CFAP69: variants seen among roughly 807,000 people sequenced by gnomAD.
CFAP69 encodes cilia- and flagella-associated protein 69.
Under a neutral mutation model 123.0 loss-of-function variants are expected in CFAP69, and 92 were observed. The observed-to-expected ratio is 0.75, with a 90% CI of 0.63 to 0.89. The LOEUF (loss-of-function observed/expected upper bound fraction) is 0.89. Among genes scored for constraint, CFAP69 ranks in the 40% least tolerant of loss-of-function variants. The pLI, the probability that CFAP69 is intolerant of heterozygous loss-of-function variation, is 0.00. For missense variants in CFAP69, 1,067 were observed against 1,096.9 expected (o/e 0.97, Z 0.39); for synonymous variants, 380 against 364.3 (o/e 1.04, Z -0.49).
rs1456532468 is a variant in CFAP69 at position 90,311,002 on chromosome 7, A to G, written c.*764A>G. The G allele has an allele frequency of 6.6e-6, 1 of 152,218 alleles. No individual in the cohort carries two copies. The highest frequency in any genetic ancestry group is 1.5e-5 in the Non-Finnish European group (1 of 68,044). 9.4% of individuals were successfully genotyped at this position (152,218 alleles called of 1,614,324 possible). A position where few individuals can be genotyped will look rare whatever the true frequency, so the allele number is the denominator to read the frequency against. On this transcript the variant is annotated 3_prime_UTR_variant, in exon 23 of 23. Coordinates refer to ENST00000389297, the MANE Select transcript of CFAP69 (RefSeq NM_001039706.3). ...ATGTTAGTCATGAGCCAAATGGTAA[A>G]AAAGAAAAAAAAATGCAGCTGGTTT...
At chr7:90,283,551 G>A (rs1203639445) in intron 13 of CFAP69, among the ~76,000 whole-genome samples, 3 of 152,060 alleles carry the variant, frequency 2.0e-5, no homozygotes, top group Non-Finnish European at 4.4e-5. Context: ...TGGAAATTAT[G>A]TGTATCATAG....
chr7:90,289,902 T>C lies in CFAP69; in HGVS notation c.1775+1550T>C, dbSNP rs561273024. ...ACCCACTGCTTTGCAGTACCTTCTT[T>C]GTACAAATCAAATGTCCGTATATAT... On this transcript the variant is annotated intron_variant, in intron 15 of 22. Coordinates refer to ENST00000389297, the MANE Select transcript of CFAP69 (RefSeq NM_001039706.3). 3.3e-5 allele frequency among the ~76,000 whole-genome samples: 5 copies of C among 152,316 alleles called. No homozygotes were observed. The South Asian group carries it at 1.0e-3, about 32-fold the overall frequency.
At chr7:90,303,683 T>C in intron 17 of CFAP69, 1 of 996,242 alleles carries the variant, frequency 1.0e-6, no homozygotes, top group South Asian at 4.6e-5. Context: ...ATTTCAAAAT[T>C]TTTTAAATTA....
intron 1 of CFAP69, among the ~76,000 whole-genome samples, chr7:90,246,523 T>C (rs1394305701): frequency 2.0e-5 from 3 of 152,208 alleles, no homozygotes; most frequent in African/African-American, 7.2e-5. Flanking sequence ...CTCTCTGAGG[T>C]CTGACATTTA....
At chr7:90,257,356 T>G (rs2116672365) in intron 2 of CFAP69, among the ~76,000 whole-genome samples, 1 of 152,330 alleles carries the variant, frequency 6.6e-6, no homozygotes, top group East Asian at 1.9e-4. Context: ...TGTGATATTT[T>G]GTTACATGCA....
chr7:90,308,607 C>T (rs771370171), intron 21 of CFAP69, among the ~76,000 whole-genome samples: 8 of 152,094 alleles, frequency 5.3e-5, no homozygotes, highest in Non-Finnish European at 8.8e-5. Context: ...GATAGCAAAA[C>T]CAAATTTAAG....
At chr7:90,266,298 G>A (rs997167081) in intron 5 of CFAP69, 3 of 152,010 alleles carry the variant, frequency 2.0e-5, no homozygotes, top group Admixed American at 1.3e-4. Context: ...CCTAGAGTAG[G>A]TGAAGGTGTT....
intron 21 of CFAP69, 108 bp downstream of exon 21, chr7:90,307,962 C>A: frequency 4.7e-6 from 3 of 641,866 alleles, no homozygotes; most frequent in Non-Finnish European, 7.9e-6. Flanking sequence ...CCTTTCCGTA[C>A]AATACCAGCA....
chr7:90,304,038 C>G lies in CFAP69; in HGVS notation c.2120C>G (p.Pro707Arg). 6.4e-7 allele frequency: 1 copy of G among 1,551,102 alleles called. No homozygotes were observed. The highest frequency in any genetic ancestry group is 8.7e-7 in the Non-Finnish European group (1 of 1,146,702). Reference protein sequence around the residue: ...QKIIPLPANCPSIAVMDVSEN... With the variant: ...QKIIPLPANCRSIAVMDVSEN... ...ATCATCCCACTGCCTGCTAACTGCC[C>G]ATCTATTGCGGTTATGGATGTTTCT... Residue 707 changes from proline (P) to arginine (R), a missense_variant, in exon 18 of 23, where the codon CCA (proline) becomes CGA (arginine). Physicochemically the swap from Pro to Arg is moderately radical, Grantham distance 103. Transcript: ENST00000389297.
intron 20 of CFAP69, among the ~76,000 whole-genome samples, 198 bp downstream of exon 20, chr7:90,307,296 A>G (rs1793747530): frequency 1.3e-5 from 2 of 152,202 alleles, no homozygotes; most frequent in Admixed American, 1.3e-4. Flanking sequence ...GTTTAAGGGG[A>G]TGGATATCCC....
At chr7:90,294,471 C>G (rs1231135404) in intron 15 of CFAP69, among the ~76,000 whole-genome samples, 1 of 152,066 alleles carries the variant, frequency 6.6e-6, no homozygotes, top group East Asian at 1.9e-4. Flanking sequence ...ACACATAATA[C>G]ATTTAAATAT....
intron 8 of CFAP69, 30 bp from the exon 9 acceptor site, chr7:90,273,957 T>A: frequency 6.6e-7 from 1 of 1,510,996 alleles, no homozygotes; most frequent in South Asian, 1.2e-5. Context: ...TATAACAATA[T>A]AGTTTTTAAA....
Position 90,307,135 on chromosome 7 carries a change from T to C in CFAP69, c.2463+37T>C, listed in dbSNP as rs748417705. 1.1e-5 allele frequency: 17 copies of C among 1,483,170 alleles called. No homozygotes were observed. In the East Asian group the frequency reaches 2.1e-4, roughly 18 times the overall value. 91.9% of individuals were successfully genotyped at this position (1,483,170 alleles called of 1,614,324 possible). A position where few individuals can be genotyped will look rare whatever the true frequency, so the allele number is the denominator to read the frequency against. On this transcript the variant is annotated intron_variant, in intron 20 of 22. Transcript: ENST00000389297. ...AGGTAGTGAGGAGGGAGAATGAAGA[T>C]AGGTTGGTTAATGGGCACAAAAATA...
intron 1 of CFAP69, among the ~76,000 whole-genome samples, chr7:90,250,081 G>A (rs1004158253): frequency 2.6e-5 from 4 of 152,210 alleles, no homozygotes; most frequent in African/African-American, 9.6e-5. Flanking sequence ...GGCTGCATGT[G>A]TCTATAGTGC....
chr7:90,300,529 A>T, intron 17 of CFAP69: 1 of 663,366 alleles, frequency 1.5e-6, no homozygotes, highest in Non-Finnish European at 1.9e-6. Flanking sequence ...TTTCCTAAAT[A>T]AAAATAGTCC....
At chr7:90,315,246 A>G (rs1174634115), downstream of CFAP69, among the ~76,000 whole-genome samples, 3 of 152,178 alleles carry the variant, frequency 2.0e-5, no homozygotes, top group Admixed American at 6.5e-5. Flanking sequence ...CAGCCATCCC[A>G]TGACTGAGTA....
chr7:90,290,386 A>C (rs1790953642), intron 15 of CFAP69, among the ~76,000 whole-genome samples: 1 of 152,142 alleles, frequency 6.6e-6, no homozygotes, highest in African/African-American at 2.4e-5. Flanking sequence ...GAGTCTGAAA[A>C]CCTGAGTCCC....
At chr7:90,320,036 A>C in the CFAP69 span, among the ~76,000 whole-genome samples, 1 of 152,188 alleles carries the variant, frequency 6.6e-6, no homozygotes, top group Non-Finnish European at 1.5e-5. Context: ...AGAAACCCTA[A>C]AGAGCTTATG....
At chr7:90,272,736 C>G (rs1367738070) in intron 8 of CFAP69, among the ~76,000 whole-genome samples, 3 of 152,056 alleles carry the variant, frequency 2.0e-5, no homozygotes, top group African/African-American at 4.8e-5. Flanking sequence ...TGGCTTCACA[C>G]CCAAGCCTAT....
Sources: allele counts gnomAD v4.1 joint callset (sites outside exome capture counted in the v4.1 genomes callset), GRCh38; gene constraint gnomAD v4.1.1; transcripts MANE v1.5; gene names NCBI Gene and HGNC (gene_info 2026-07-23, HGNC 2026-07-21).